Variants in SYT1 observed in about 807,000 individuals in gnomAD.
SYT1 encodes synaptotagmin-1.
In SYT1, 8 loss-of-function variants were observed where a neutral mutation model predicts 44.8. That is an observed-to-expected ratio of 0.18 (90% confidence interval 0.10 to 0.32). The LOEUF (loss-of-function observed/expected upper bound fraction) is 0.32, where lower values mean the gene tolerates loss of function less well. SYT1 is among the 10% of genes least tolerant of loss of function. SYT1 has a pLI of 1.00. For missense variants in SYT1, 286 were observed against 509.3 expected (o/e 0.56, Z 4.22); for synonymous variants, 154 against 188.8 (o/e 0.82, Z 1.51).
At chr12:79,183,874 C>T (rs1315314333) in intron 3 of SYT1, among the ~76,000 whole-genome samples, 1 of 152,070 alleles carries the variant, frequency 6.6e-6, no homozygotes, top group Non-Finnish European at 1.5e-5. Flanking sequence ...TTTTTAAAAT[C>T]TCATAACAAG....
intron 9 of SYT1, among the ~76,000 whole-genome samples, chr12:79,443,774 A>G (rs986148638): frequency 4.6e-5 from 7 of 152,172 alleles, no homozygotes; most frequent in African/African-American, 1.4e-4. Context: ...TGGGGTATAT[A>G]TATACCATAG....
In SYT1 at chr12:79,178,147, C is replaced by T. The variant is rs369602475; in HGVS notation, c.-17-39356C>T. On this transcript the variant is annotated intron_variant, in intron 3 of 10. Transcript: ENST00000261205. ...TATTCTCTTCCCAGGATACCTTCTA[C>T]CCAGTGTTTTTAGCATAGTTGGCCC... Among the ~76,000 whole-genome samples, 33 of 152,206 alleles carry T rather than the reference C, an allele frequency of 2.2e-4. No homozygotes were observed. In the South Asian group the frequency reaches 6.6e-3, roughly 31 times the overall value.
intron 3 of SYT1, among the ~76,000 whole-genome samples, chr12:79,063,902 C>T (rs1031736684): frequency 1.3e-5 from 2 of 152,140 alleles, no homozygotes; most frequent in Non-Finnish European, 2.9e-5. Flanking sequence ...CTCACTTTTC[C>T]TGACCTAACT....
In SYT1 at chr12:78,868,855, TA is replaced by T. The variant is rs2137031330; in HGVS notation, c.-217+3747del. The T allele has an allele frequency of 1.3e-5, 2 of 151,902 alleles. 1 individual carries two copies. The highest frequency in any genetic ancestry group is 4.1e-4 in the South Asian group (2 of 4,834). 9.4% of individuals were successfully genotyped at this position (151,902 alleles called of 1,614,324 possible). ...CATGGCTTTGGGCAGAAATGATTTT[TA>T]TATGTATCATGATTGAAAAAACTCT... On this transcript the variant is annotated intron_variant, in intron 1 of 10. Coordinates refer to ENST00000261205, the MANE Select transcript of SYT1 (RefSeq NM_005639.3).
intron 4 of SYT1, among the ~76,000 whole-genome samples, chr12:79,276,964 GGAGGAGGAA>G (rs546925866): frequency 0.039 from 5,839 of 150,202 alleles, 193 homozygotes; most frequent in Non-Finnish European, 0.051. Flanking sequence ...AGGAGGAGGA[GGAGGAGGAA>G]GAGGAGGAGG....
chr12:79,361,764 G>C (rs1363580467), intron 9 of SYT1, among the ~76,000 whole-genome samples: 1 of 152,204 alleles, frequency 6.6e-6, no homozygotes, highest in Non-Finnish European at 1.5e-5. Flanking sequence ...TGACATTTCA[G>C]CTGTATCTGT....
intron 8 of SYT1, among the ~76,000 whole-genome samples, chr12:79,309,820 T>A (rs961994683): frequency 3.3e-5 from 5 of 152,216 alleles, no homozygotes; most frequent in Admixed American, 1.3e-4. Flanking sequence ...AGATTCATCT[T>A]AAGCACAGAT....
At chr12:79,228,454 T>G (rs1188886774) in intron 4 of SYT1, among the ~76,000 whole-genome samples, 1 of 152,126 alleles carries the variant, frequency 6.6e-6, no homozygotes, top group Non-Finnish European at 1.5e-5. Flanking sequence ...TCTGCATTAT[T>G]ATCACTATTG....
chr12:79,428,511 G>T (rs574177454), intron 9 of SYT1, among the ~76,000 whole-genome samples: 79 of 152,294 alleles, frequency 5.2e-4, no homozygotes, highest in African/African-American at 1.7e-3. Flanking sequence ...CTGAGGGGTG[G>T]CTAGGGAGCA....
At chr12:79,166,178 A>G (rs1871212640) in intron 3 of SYT1, among the ~76,000 whole-genome samples, 3 of 152,022 alleles carry the variant, frequency 2.0e-5, no homozygotes, top group Non-Finnish European at 2.9e-5. Context: ...CTGCTTTTGC[A>G]AATCACTGTT....
chr12:78,866,570 T>C (rs1410619466), intron 1 of SYT1, among the ~76,000 whole-genome samples: 2 of 152,054 alleles, frequency 1.3e-5, no homozygotes, highest in South Asian at 2.1e-4. Context: ...AATTCCATCA[T>C]TGGGGATATA....
intron 3 of SYT1, among the ~76,000 whole-genome samples, chr12:79,143,647 CAAG>C (rs1181433027): frequency 6.6e-6 from 1 of 152,182 alleles, no homozygotes; most frequent in Non-Finnish European, 1.5e-5. Context: ...AAAATCAGAA[CAAG>C]TAGTCATCCT....
intron 9 of SYT1, chr12:79,392,537 G>A (rs966732054): frequency 2.0e-5 from 3 of 152,052 alleles, no homozygotes; most frequent in Non-Finnish European, 4.4e-5. Context: ...TGATTTACTT[G>A]GAGTATAAAG....
At chr12:79,155,944 T>C (rs1186951712) in intron 3 of SYT1, among the ~76,000 whole-genome samples, 3 of 152,220 alleles carry the variant, frequency 2.0e-5, no homozygotes, top group Admixed American at 6.5e-5. Flanking sequence ...TAATCAGCCA[T>C]TGTTACATGT....
chr12:79,094,542 TA>T (rs1877995638), intron 3 of SYT1, among the ~76,000 whole-genome samples: 1 of 151,908 alleles, frequency 6.6e-6, no homozygotes, highest in Non-Finnish European at 1.5e-5. Context: ...TTATAGTTTT[TA>T]TTGTAAAACT....
chr12:79,115,292 A>T (rs1205899605), intron 3 of SYT1, among the ~76,000 whole-genome samples: 1 of 152,192 alleles, frequency 6.6e-6, no homozygotes, highest in African/African-American at 2.4e-5. Context: ...TAAAGAGAAG[A>T]TTCAACAATT....
At chr12:79,342,014 G>T (rs1882397635) in intron 8 of SYT1, among the ~76,000 whole-genome samples, 1 of 152,114 alleles carries the variant, frequency 6.6e-6, no homozygotes, top group South Asian at 2.1e-4. Flanking sequence ...AACTGTTTAT[G>T]TGAAGCCTCT....
At chr12:79,271,269 A>T (rs891026056) in intron 4 of SYT1, among the ~76,000 whole-genome samples, 11 of 152,182 alleles carry the variant, frequency 7.2e-5, no homozygotes, top group South Asian at 2.1e-4. Flanking sequence ...ATAATTTTTT[A>T]AAAAATTTAT....
chr12:79,029,326 A>G (rs1489352475), intron 2 of SYT1, among the ~76,000 whole-genome samples: 1 of 150,048 alleles, frequency 6.7e-6, no homozygotes, highest in Non-Finnish European at 1.5e-5. Flanking sequence ...TAATTCACAC[A>G]CTGTGCTAGT....
Sources: gnomAD v4.1 joint callset for allele counts (sites outside exome capture counted in the v4.1 genomes callset) on GRCh38, gnomAD v4.1.1 for gene constraint, MANE v1.5 for transcripts, NCBI Gene and HGNC (gene_info 2026-07-23, HGNC 2026-07-21) for gene names.